ABI1: variants seen among roughly 807,000 people sequenced by gnomAD.
The protein encoded by ABI1 is abl interactor 1.
Under a neutral mutation model 54.6 loss-of-function variants are expected in ABI1, and 14 were observed. The ratio of observed to expected loss-of-function variants is 0.26; its 90% CI spans 0.17 to 0.40. The LOEUF is 0.40. ABI1 is among the 10% of genes least tolerant of loss of function. The pLI is 1.00. For synonymous variants in ABI1, 194 were observed against 209.3 expected (o/e 0.93, Z 0.63); for missense variants, 443 against 598.3 (o/e 0.74, Z 2.71).
chr10:26,806,677 T>C (rs537376991), intron 2 of ABI1, among the ~76,000 whole-genome samples: 2 of 152,338 alleles, frequency 1.3e-5, no homozygotes, highest in South Asian at 4.1e-4. Flanking sequence ...ATATTTAAGA[T>C]AGTTAGAATG....
At chr10:26,811,756 AAG>A in intron 2 of ABI1, among the ~76,000 whole-genome samples, 1 of 131,320 alleles carries the variant, frequency 7.6e-6, no homozygotes, top group African/African-American at 2.8e-5. Context: ...AATTTATGCA[AAG>A]ATTTGTATAA....
At chr10:26,834,841 GCCTGTAA>G in intron 1 of ABI1, among the ~76,000 whole-genome samples, 1 of 151,962 alleles carries the variant, frequency 6.6e-6, no homozygotes. Context: ...AGTAGCTCAT[GCCTGTAA>G]TCCCAGCACT....
intron 1 of ABI1, among the ~76,000 whole-genome samples, chr10:26,837,813 T>C (rs371526096): frequency 0.23 from 33,209 of 141,490 alleles, 4,505 homozygotes; most frequent in South Asian, 0.41. Flanking sequence ...CAGGGTTTCC[T>C]CATGTTGCCC....
At chr10:26,816,037 A>G (rs1467098332) in intron 2 of ABI1, among the ~76,000 whole-genome samples, 4 of 152,242 alleles carry the variant, frequency 2.6e-5, no homozygotes, top group Non-Finnish European at 5.9e-5. Context: ...CTGGTTACCA[A>G]TCGTGTCTTT....
chr10:26,849,680 G>T (rs144702115), intron 1 of ABI1, among the ~76,000 whole-genome samples: 1,770 of 152,276 alleles, frequency 0.012, 41 homozygotes, highest in African/African-American at 0.04. Flanking sequence ...GGTAATATTT[G>T]TTGCCAATAA....
intron 2 of ABI1, among the ~76,000 whole-genome samples, chr10:26,808,718 G>A (rs1279537974): frequency 2.0e-5 from 3 of 151,836 alleles, no homozygotes; most frequent in Non-Finnish European, 4.4e-5. Flanking sequence ...ATGAGACCCC[G>A]TCTCAACAAC....
At chr10:26,791,961 T>C (rs1271658720) in intron 2 of ABI1, among the ~76,000 whole-genome samples, 3 of 152,182 alleles carry the variant, frequency 2.0e-5, no homozygotes, top group African/African-American at 7.2e-5. Flanking sequence ...GTAATACGGA[T>C]AAATCTTAGA....
intron 2 of ABI1, among the ~76,000 whole-genome samples, chr10:26,815,919 A>G (rs1175270506): frequency 2.6e-5 from 4 of 152,348 alleles, no homozygotes; most frequent in Admixed American, 2.6e-4. Context: ...TCATAAAAAC[A>G]TAAAAATAAA....
At chr10:26,834,846 T>C (rs1262554707) in intron 1 of ABI1, among the ~76,000 whole-genome samples, 4 of 152,032 alleles carry the variant, frequency 2.6e-5, no homozygotes, top group African/African-American at 9.7e-5. Flanking sequence ...CTCATGCCTG[T>C]AATCCCAGCA....
intron 7 of ABI1, among the ~76,000 whole-genome samples, chr10:26,764,695 C>T (rs918437418): frequency 6.6e-6 from 1 of 152,202 alleles, no homozygotes; most frequent in Non-Finnish European, 1.5e-5. Flanking sequence ...TAGATGGCTA[C>T]ATCTGTCCTG....
chr10:26,819,872 C>T (rs893735726), intron 2 of ABI1, among the ~76,000 whole-genome samples: 1 of 152,150 alleles, frequency 6.6e-6, no homozygotes, highest in Non-Finnish European at 1.5e-5. Flanking sequence ...TTATTTGCAA[C>T]ATGACACAAC....
chr10:26,801,697 A>T (rs527823137), intron 2 of ABI1, among the ~76,000 whole-genome samples: 3 of 152,364 alleles, frequency 2.0e-5, no homozygotes, highest in African/African-American at 7.2e-5. Flanking sequence ...CTCTAAAAAG[A>T]TACACTGATT....
At chr10:26,765,811 G>T (rs1357012542) in intron 6 of ABI1, among the ~76,000 whole-genome samples, 1 of 152,024 alleles carries the variant, frequency 6.6e-6, no homozygotes, top group Non-Finnish European at 1.5e-5. Context: ...TATTTGAAAT[G>T]GTTTCCTCTA....
chr10:26,800,586 G>A (rs1262644106), intron 2 of ABI1, among the ~76,000 whole-genome samples: 1 of 152,200 alleles, frequency 6.6e-6, no homozygotes, highest in East Asian at 1.9e-4. Flanking sequence ...AGACCAGCCT[G>A]GGAAACATAG....
At chr10:26,810,814 T>A (rs529207067) in intron 2 of ABI1, among the ~76,000 whole-genome samples, 89 of 144,912 alleles carry the variant, frequency 6.1e-4, no homozygotes, top group African/African-American at 2.4e-3. Context: ...CACCTGTTCT[T>A]TTAAAAAAAA....
At chr10:26,772,720 A>T (rs1276499508) in intron 3 of ABI1, among the ~76,000 whole-genome samples, 2 of 152,176 alleles carry the variant, frequency 1.3e-5, no homozygotes, top group South Asian at 2.1e-4. Flanking sequence ...AATCTATAAA[A>T]TTTTTTATTT....
At chr10:26,768,407 TCAGGCCTGTAATCC>T (rs1399376398) in intron 6 of ABI1, among the ~76,000 whole-genome samples, 1 of 151,114 alleles carries the variant, frequency 6.6e-6, no homozygotes, top group Non-Finnish European at 1.5e-5. Flanking sequence ...GCGTGGTGGC[TCAGGCCTGTAATCC>T]CAGCTACTTG....
chr10:26,793,757 G>A (rs1416431201), intron 2 of ABI1, among the ~76,000 whole-genome samples: 2 of 152,140 alleles, frequency 1.3e-5, no homozygotes, highest in African/African-American at 4.8e-5. Context: ...TTAGATCACA[G>A]TTGATCTTCT....
At chr10:26,820,029 G>A (rs116571340) in intron 2 of ABI1, among the ~76,000 whole-genome samples, 67 of 152,240 alleles carry the variant, frequency 4.4e-4, no homozygotes, top group African/African-American at 1.5e-3. Context: ...CAGAGACTAG[G>A]GGGTAAGGGA....
Sources: gnomAD v4.1 joint callset for allele counts (sites outside exome capture counted in the v4.1 genomes callset) on GRCh38, gnomAD v4.1.1 for gene constraint, MANE v1.5 for transcripts, NCBI Gene and HGNC (gene_info 2026-07-23, HGNC 2026-07-21) for gene names.